KLK7: variants seen among roughly 807,000 people sequenced by gnomAD.
KLK7 encodes kallikrein related peptidase 7.
In KLK7, 17 loss-of-function variants were observed where a neutral mutation model predicts 21.0. The ratio of observed to expected loss-of-function variants is 0.81; its 90% CI spans 0.55 to 1.21. The LOEUF is 1.21. KLK7 is among the 50% of genes most tolerant of loss of function. The pLI, the probability that KLK7 is intolerant of heterozygous loss-of-function variation, is 0.00. For missense variants in KLK7, 330 were observed against 322.8 expected (o/e 1.02, Z -0.17); for synonymous variants, 151 against 134.6 (o/e 1.12, Z -0.85).
intron 4 of KLK7, 42 bp from the exon 5 acceptor site, chr19:50,979,966 G>A: frequency 6.4e-7 from 1 of 1,571,152 alleles, no homozygotes; most frequent in Non-Finnish European, 8.6e-7. Flanking sequence ...AGAGAGGATG[G>A]GGGCGAGGAC....
chr19:50,983,580 C>A (rs1465476477), intron 1 of KLK7, among the ~76,000 whole-genome samples: 1 of 151,716 alleles, frequency 6.6e-6, no homozygotes, highest in African/African-American at 2.4e-5. Context: ...AGAACCCCAG[C>A]CCCTCCTCCC....
upstream of KLK7, chr19:50,983,979 G>T (rs2091111631): frequency 7.9e-7 from 1 of 1,263,152 alleles, no homozygotes; most frequent in Non-Finnish European, 1.0e-6. Context: ...CCAGCGCCCT[G>T]GGGTGCAGGC....
In KLK7 at chr19:50,982,159, G is replaced by C. The variant is rs2091094344; in HGVS notation, c.73+168C>G. 6 of 957,960 alleles carry C rather than the reference G, an allele frequency of 6.3e-6. No homozygotes were observed. In the Admixed American group the frequency reaches 6.8e-5, roughly 11 times the overall value. 59.3% of individuals were successfully genotyped at this position (957,960 alleles called of 1,614,324 possible). ...CAGGAGGCAGGGCCTGGAGGGGACA[G>C]AGACCCCCTGAGTCAGCAGAAGCAG... is the stretch of plus-strand genomic sequence containing the variant. On this transcript the variant is annotated intron_variant, in intron 2 of 5. Transcript: ENST00000595820.
chr19:50,983,421 C>A (rs1376682758), intron 1 of KLK7, among the ~76,000 whole-genome samples: 1 of 136,778 alleles, frequency 7.3e-6, no homozygotes, highest in Admixed American at 7.2e-5. Flanking sequence ...ACCTAGGAGT[C>A]CAGGTCCCAG....
At chr19:50,978,931 G>C (rs2091056532) in intron 5 of KLK7, among the ~76,000 whole-genome samples, 1 of 151,202 alleles carries the variant, frequency 6.6e-6, no homozygotes, top group African/African-American at 2.4e-5. Flanking sequence ...GGAGGAGAGA[G>C]AGAGAAGCAA....
intron 5 of KLK7, among the ~76,000 whole-genome samples, chr19:50,978,988 G>C (rs776320871): frequency 5.3e-5 from 8 of 151,840 alleles, no homozygotes; most frequent in Non-Finnish European, 1.0e-4. Context: ...CATGGAGAGA[G>C]AACAAGGGAG....
At chr19:50,978,743 G>T (rs1160035563) in intron 5 of KLK7, among the ~76,000 whole-genome samples, 3 of 147,890 alleles carry the variant, frequency 2.0e-5, no homozygotes, top group African/African-American at 7.5e-5. Flanking sequence ...GGAGAGGAGA[G>T]AGATAGAAGA....
intron 1 of KLK7, among the ~76,000 whole-genome samples, chr19:50,983,028 G>GC (rs1236931567): frequency 1.2e-4 from 1 of 8,350 alleles, no homozygotes. Context: ...AGGAGTCCAG[G>GC]CCCCAACCCC....
At chr19:50,982,184 G>T in intron 2 of KLK7, 143 bp downstream of exon 2, 1 of 1,115,820 alleles carries the variant, frequency 9.0e-7, no homozygotes, top group Non-Finnish European at 1.3e-6. Context: ...AGCAGAAGCA[G>T]GAAGAGCGGG....
chr19:50,979,680 G>C, intron 5 of KLK7, 108 bp downstream of exon 5: 2 of 1,107,204 alleles, frequency 1.8e-6, no homozygotes, highest in Non-Finnish European at 2.6e-6. Flanking sequence ...AGGCCTGGGG[G>C]GAGGGCAAGG....
chr19:50,980,703 G>GAGGA (rs756902522), intron 3 of KLK7, among the ~76,000 whole-genome samples: 1 of 122,916 alleles, frequency 8.1e-6, no homozygotes. Flanking sequence ...GACCCAGAGA[G>GAGGA]GGGGGGACAG....
intron 5 of KLK7, 127 bp from the exon 6 acceptor site, chr19:50,977,818 A>G: frequency 1.1e-6 from 1 of 938,436 alleles, no homozygotes; most frequent in South Asian, 1.6e-5. Flanking sequence ...ATGAGAAGAG[A>G]CTCATTGTCT....
intron 3 of KLK7, among the ~76,000 whole-genome samples, chr19:50,981,281 G>C (rs1336649743): frequency 1.5e-5 from 2 of 133,582 alleles, no homozygotes; most frequent in Non-Finnish European, 3.1e-5. Context: ...AAAGAGAGGA[G>C]GGGGAACAGA....
intron 2 of KLK7, 43 bp downstream of exon 2, chr19:50,982,284 G>A: frequency 1.3e-6 from 2 of 1,590,446 alleles, no homozygotes; most frequent in Non-Finnish European, 1.7e-6. Flanking sequence ...GAGGGTCAGT[G>A]GGGGCCCTGA....
chr19:50,980,686 AGACAGAGACCCAGAGAGGGGGG>A (rs2091072764), intron 3 of KLK7, among the ~76,000 whole-genome samples, 199 bp from the exon 4 acceptor site: 1 of 77,212 alleles, frequency 1.3e-5, no homozygotes, highest in Non-Finnish European at 2.5e-5. Context: ...AGAGAGAGGG[AGACAGAGACCCAGAGAGGGGGG>A]GACAGAGACC....
chr19:50,979,971 G>A (rs1029452201), intron 4 of KLK7, 47 bp from the exon 5 acceptor site: 44 of 1,563,926 alleles, frequency 2.8e-5, no homozygotes, highest in Non-Finnish European at 3.6e-5. Flanking sequence ...GGATGGGGGC[G>A]AGGACCAGAA....
chr19:50,983,744 G>A, intron 1 of KLK7, 107 bp downstream of exon 1: 1 of 1,251,128 alleles, frequency 8.0e-7, no homozygotes, highest in Non-Finnish European at 1.0e-6. Flanking sequence ...CACTGCTCAG[G>A]ACCGGGAGTC....
intron 1 of KLK7, chr19:50,983,626 G>T: frequency 2.1e-6 from 1 of 467,936 alleles, no homozygotes; most frequent in Non-Finnish European, 3.3e-6. Context: ...GATCCCTAGA[G>T]ACCCAGGAAT....
chr19:50,984,007 AC>A (rs1212831260), upstream of KLK7: 20 of 1,041,434 alleles, frequency 1.9e-5, no homozygotes, highest in Non-Finnish European at 2.6e-5. Context: ...ACTCTGGGAC[AC>A]CCCCGCCTGC....
Sources: gnomAD v4.1 joint callset for allele counts (sites outside exome capture counted in the v4.1 genomes callset) on GRCh38, gnomAD v4.1.1 for gene constraint, MANE v1.5 for transcripts, NCBI Gene and HGNC (gene_info 2026-07-23, HGNC 2026-07-21) for gene names.